OAT: variants seen among roughly 807,000 people sequenced by gnomAD.
OAT encodes ornithine aminotransferase, also known as ornithine aminotransferase, mitochondrial.
OAT carries 35 observed loss-of-function variants against 48.4 expected under a neutral mutation model. The observed-to-expected ratio is 0.72, with a 90% CI of 0.55 to 0.96. OAT has a LOEUF of 0.96. OAT is among the 40% of genes least tolerant of loss of function. The probability of loss-of-function intolerance (pLI) is 0.00; values close to 1 mark genes in which losing one functional copy is unlikely to be tolerated. For synonymous variants in OAT, 182 were observed against 198.4 expected (o/e 0.92, Z 0.70); for missense variants, 438 against 537.9 (o/e 0.81, Z 1.84).
rs375052052 is a variant in OAT, at chr10:124,403,138, C to A, written c.772-83G>T. 2.3e-4 allele frequency: 338 copies of A among 1,464,672 alleles called. 3 individuals are homozygous for A. In the East Asian group the frequency reaches 6.0e-3, roughly 26 times the overall value. 90.7% of individuals were successfully genotyped at this position (1,464,672 alleles called of 1,614,324 possible). A position where few individuals can be genotyped will look rare whatever the true frequency, so the allele number is the denominator to read the frequency against. ...AGCCATCCTTATTTCACTGTCCCCC[C>A]ACCAACAATAAATGTGTAATTCTGA... On this transcript the variant is annotated intron_variant, in intron 6 of 9. Transcript: ENST00000368845.
intron 4 of OAT, chr10:124,407,545 T>C (rs1027866975): frequency 3.1e-6 from 2 of 649,366 alleles, no homozygotes; most frequent in Non-Finnish European, 3.8e-6. Flanking sequence ...TCTTTGGGAA[T>C]ACCAATCTGT....
intron 1 of OAT, among the ~76,000 whole-genome samples, chr10:124,415,772 A>G (rs969489346): frequency 2.0e-5 from 3 of 152,134 alleles, no homozygotes; most frequent in African/African-American, 7.2e-5. Context: ...CAGTCTCCCC[A>G]TTTGTAAAAG....
At chr10:124,407,221 A>G (rs915219908) in intron 4 of OAT, 7 of 985,308 alleles carry the variant, frequency 7.1e-6, no homozygotes, top group Middle Eastern at 5.2e-4. Flanking sequence ...CACTGATTAG[A>G]CCATAAGCCT....
At chr10:124,412,239 C>T (rs1207456748) in intron 1 of OAT, 39 bp from the exon 2 acceptor site, 2 of 1,460,960 alleles carry the variant, frequency 1.4e-6, no homozygotes, top group East Asian at 4.6e-5. Flanking sequence ...AGTGAGAATC[C>T]TTGGCTTATG....
chr10:124,406,498 AAATAAT>A (rs201249878), intron 4 of OAT, among the ~76,000 whole-genome samples: 14 of 150,170 alleles, frequency 9.3e-5, no homozygotes, highest in Admixed American at 8.0e-4. Context: ...CAAAAAATAA[AAATAAT>A]AATAATAATA....
chr10:124,399,072 G>GA (rs1289843547), intron 9 of OAT, among the ~76,000 whole-genome samples: 3 of 150,890 alleles, frequency 2.0e-5, no homozygotes, highest in African/African-American at 7.3e-5. Flanking sequence ...TTCTAAAAAA[G>GA]AAAAAAAAGA....
At chr10:124,412,596 A>G (rs1951791957) in intron 1 of OAT, among the ~76,000 whole-genome samples, 1 of 152,110 alleles carries the variant, frequency 6.6e-6, no homozygotes. Flanking sequence ...GCTTGAGCCG[A>G]GGAGTTAAAG....
At chr10:124,400,041 G>C (rs1010832816) in intron 9 of OAT, among the ~76,000 whole-genome samples, 5 of 152,192 alleles carry the variant, frequency 3.3e-5, no homozygotes, top group African/African-American at 4.8e-5. Context: ...ATTTAGAAAA[G>C]AGCTATATTT....
intron 4 of OAT, among the ~76,000 whole-genome samples, chr10:124,408,313 GTGTGTA>G (rs1200124499): frequency 4.9e-5 from 3 of 60,926 alleles, no homozygotes; most frequent in Admixed American, 1.8e-4. Flanking sequence ...GTGTGTGTGT[GTGTGTA>G]TATATATATA....
intron 1 of OAT, among the ~76,000 whole-genome samples, chr10:124,416,834 T>G (rs1951931893): frequency 6.6e-6 from 1 of 151,678 alleles, no homozygotes; most frequent in African/African-American, 2.4e-5. Context: ...TATTTACTTT[T>G]CCTGAGGTAA....
At chr10:124,410,841 G>A (rs1261866112) in intron 2 of OAT, among the ~76,000 whole-genome samples, 1 of 151,754 alleles carries the variant, frequency 6.6e-6, no homozygotes, top group Non-Finnish European at 1.5e-5. Context: ...AGTATTTATG[G>A]GTAAAGAGAT....
Position 124,408,651 on chromosome 10 carries a change from A to C in OAT, c.425-14T>G. The C allele has an allele frequency of 6.2e-7, 1 of 1,605,154 alleles. No homozygotes were observed. The highest frequency in any genetic ancestry group is 1.3e-5 in the African/African-American group (1 of 74,838). ...CAGCCTCCACTCCTATCAGGAGAGA[A>C]AAATGTTCAGATTTTTTTAAAATGT... On this transcript the variant is annotated splice_polypyrimidine_tract_variant and intron_variant, in intron 3 of 9. Transcript: ENST00000368845.
In OAT at chr10:124,411,954, G is replaced by T; in HGVS notation, c.199+19C>A. 6.2e-7 allele frequency: 1 copy of T among 1,606,804 alleles called. No individual in the cohort carries two copies. ...AAGGTTTCAAGAAAAGGGAAAAGAC[G>T]GATTAATTTGAAACGTACCTTTTCC... On this transcript the variant is annotated intron_variant, in intron 2 of 9. Coordinates refer to ENST00000368845, the MANE Select transcript of OAT (RefSeq NM_000274.4).
Position 124,398,052 on chromosome 10 carries a change from C to A in OAT, c.1210G>T (p.Ala404Ser). The change falls in exon 10 of 10, where the codon GCC (alanine) becomes TCC (serine). Residue 404 changes from alanine (A) to serine (S), a missense_variant. Coordinates refer to ENST00000368845, the MANE Select transcript of OAT (RefSeq NM_000274.4). ...ATAATGTCGCCATGGGTTGGCTTGG[C>A]CAGAAGTCCATTATCTCGAAGTCGT... ...CLRLRDNGLL[A>S]KPTHGDIIRF... is the part of the protein sequence containing the mutation. 1.2e-6 allele frequency: 2 copies of A among 1,614,094 alleles called. No individual in the cohort carries two copies. Among genetic ancestry groups the A allele is most frequent in the East Asian group, 4.5e-5 (2 of 44,890 alleles).
chr10:124,405,382 A>G (rs1951543151), intron 5 of OAT, 54 bp downstream of exon 5: 3 of 1,609,098 alleles, frequency 1.9e-6, no homozygotes, highest in Non-Finnish European at 2.5e-6. Context: ...CATATATTCA[A>G]CAGCTTTAAT....
rs2459217 is a variant in OAT, at chr10:124,398,161, G to A, written c.1160-59C>T. The A allele has an allele frequency of 0.89, 1,419,841 of 1,591,912 alleles. 634,285 individuals are homozygous for A. The highest frequency in any genetic ancestry group is 1 in the East Asian group (44,371 of 44,466). On this transcript the variant is annotated intron_variant, in intron 9 of 9. Coordinates refer to ENST00000368845, the MANE Select transcript of OAT (RefSeq NM_000274.4). ...GATAAACGTTTAAACATCCCTTGCC[G>A]TATGTATGGGCAAAGTGCAGCCTGG... is the stretch of plus-strand genomic sequence containing the variant.
At chr10:124,409,677 G>A (rs1951696146) in intron 2 of OAT, among the ~76,000 whole-genome samples, 1 of 152,114 alleles carries the variant, frequency 6.6e-6, no homozygotes, top group Non-Finnish European at 1.5e-5. Context: ...TGTAAATCAT[G>A]TGTCTGATAA....
chr10:124,403,652 C>T lies in OAT; in HGVS notation c.771+146G>A, dbSNP rs181514255. On this transcript the variant is annotated intron_variant, in intron 6 of 9. Coordinates refer to ENST00000368845, the MANE Select transcript of OAT (RefSeq NM_000274.4). ...AGGAAGTACTTAAGCTCTTAGAATG[C>T]CATCGCCCTCTAGTGGAAAGTAATT... is the stretch of plus-strand genomic sequence containing the variant. The T allele has an allele frequency of 4.2e-5, 48 of 1,140,054 alleles. No individual in the cohort carries two copies. In the African/African-American group the frequency reaches 6.7e-4, roughly 16 times the overall value. 70.6% of individuals were successfully genotyped at this position (1,140,054 alleles called of 1,614,324 possible).
At chr10:124,398,171 G>A in intron 9 of OAT, 69 bp from the exon 10 acceptor site, 1 of 1,538,396 alleles carries the variant, frequency 6.5e-7, no homozygotes, top group Non-Finnish European at 9.0e-7. Flanking sequence ...GTATGTATGG[G>A]CAAAGTGCAG....
Sources: allele counts gnomAD v4.1 joint callset (sites outside exome capture counted in the v4.1 genomes callset), GRCh38; gene constraint gnomAD v4.1.1; transcripts MANE v1.5; gene names NCBI Gene and HGNC (gene_info 2026-07-23, HGNC 2026-07-21).